Variants in SNTG1 observed in about 807,000 individuals in gnomAD.
SNTG1 encodes the protein gamma-1-syntrophin.
In SNTG1, 39 loss-of-function variants were observed where a neutral mutation model predicts 74.7. The ratio of observed to expected loss-of-function variants is 0.52; its 90% CI spans 0.40 to 0.68. SNTG1 has a LOEUF of 0.68. SNTG1 is among the 30% of genes least tolerant of loss of function. The pLI, the probability that SNTG1 is intolerant of heterozygous loss-of-function variation, is 0.00. For missense variants in SNTG1, 685 were observed against 609.5 expected, an observed-to-expected ratio of 1.12 and a Z score of -1.30; for synonymous variants, 254 against 217.1, an observed-to-expected ratio of 1.17 and a Z score of -1.49.
chr8:50,388,059 A>G (rs762779045), intron 2 of SNTG1, among the ~76,000 whole-genome samples: 2 of 152,186 alleles, frequency 1.3e-5, no homozygotes, highest in Non-Finnish European at 2.9e-5. Flanking sequence ...AATGTAATTC[A>G]GTGACTAGCA....
intron 2 of SNTG1, among the ~76,000 whole-genome samples, chr8:50,237,773 T>C (rs1437294363): frequency 6.6e-6 from 1 of 152,168 alleles, no homozygotes; most frequent in Non-Finnish European, 1.5e-5. Context: ...CCTGAGTCTA[T>C]ATAATATATC....
chr8:50,040,980 C>A (rs1210485905), intron 1 of SNTG1, among the ~76,000 whole-genome samples: 1 of 152,004 alleles, frequency 6.6e-6, no homozygotes, highest in Non-Finnish European at 1.5e-5. Context: ...TACTGCAACC[C>A]CCGCCTCCCA....
intron 1 of SNTG1, among the ~76,000 whole-genome samples, chr8:50,105,462 A>G (rs1183104385): frequency 6.6e-6 from 1 of 151,718 alleles, no homozygotes; most frequent in Non-Finnish European, 1.5e-5. Flanking sequence ...GAGTAACATG[A>G]TGTCTTCAGC....
intron 2 of SNTG1, among the ~76,000 whole-genome samples, chr8:50,247,441 A>G (rs1161222346): frequency 1.3e-5 from 2 of 152,084 alleles, no homozygotes; most frequent in African/African-American, 4.8e-5. Context: ...CTCAAACTAG[A>G]TTTTGTTCTG....
chr8:50,515,521 C>G (rs747290827), intron 9 of SNTG1, among the ~76,000 whole-genome samples: 3 of 151,732 alleles, frequency 2.0e-5, no homozygotes, highest in Non-Finnish European at 2.9e-5. Context: ...AGATCCCACC[C>G]CCACGGACCC....
intron 2 of SNTG1, among the ~76,000 whole-genome samples, chr8:50,255,097 G>A (rs1349317): frequency 0.33 from 49,758 of 151,242 alleles, 8,717 homozygotes; most frequent in African/African-American, 0.46. Flanking sequence ...TGCCCTTTTG[G>A]TCCTTTTTAA....
At position 50,039,449 on chromosome 8, in the gene SNTG1, C is replaced by T. The variant is rs1172516367; in HGVS notation, c.-103+127218C>T. Among the ~76,000 whole-genome samples, 14 of 98,448 alleles carry T rather than the reference C, an allele frequency of 1.4e-4. No individual in the cohort carries two copies. The Admixed American group carries it at 1.8e-3, about 13-fold the overall frequency. 64.6% of individuals were successfully genotyped at this position (98,448 alleles called of 152,430 possible). A position where few individuals can be genotyped will look rare whatever the true frequency, so the allele number is the denominator to read the frequency against. The stretch of plus-strand genomic sequence containing the variant: ...CAGCCTGGGTGACAGAGCAAGACTC[C>T]GTCTCAAAAAAAAAAAAAAAAAAAA... On this transcript the variant is annotated intron_variant, in intron 1 of 18. Coordinates refer to ENST00000642720, the MANE Select transcript of SNTG1 (RefSeq NM_018967.5).
chr8:50,088,327 C>T, intron 1 of SNTG1, among the ~76,000 whole-genome samples: 1 of 142,998 alleles, frequency 7.0e-6, no homozygotes. Flanking sequence ...TGGAAGCATT[C>T]CCTTTGAAAA....
intron 1 of SNTG1, among the ~76,000 whole-genome samples, chr8:50,036,974 C>A (rs1818221366): frequency 6.6e-6 from 1 of 152,150 alleles, no homozygotes. Flanking sequence ...AAGTGAATGT[C>A]TCTGTAAATT....
chr8:50,584,890 C>A (rs1306514508), intron 12 of SNTG1, among the ~76,000 whole-genome samples: 1 of 152,044 alleles, frequency 6.6e-6, no homozygotes. Context: ...AGCCACTGAC[C>A]TGGGTGGGCA....
chr8:50,075,814 C>G (rs1231592802), intron 1 of SNTG1, among the ~76,000 whole-genome samples: 1 of 152,130 alleles, frequency 6.6e-6, no homozygotes, highest in African/African-American at 2.4e-5. Context: ...AGCTATAACA[C>G]TCAACACGAA....
rs1554580679 is a variant in SNTG1, at chr8:50,115,576, A to AAAAAAAAAAACAAAAAAAAAAC, written c.-102-56975_-102-56974insCAAAAAAAAAACAAAAAAAAAA. 1.4e-4 allele frequency among the ~76,000 whole-genome samples: 12 copies of AAAAAAAAAAACAAAAAAAAAAC among 82,908 alleles called. 2 individuals carry two copies. The highest frequency in any genetic ancestry group is 5.1e-4 in the South Asian group (1 of 1,980). 54.4% of individuals were successfully genotyped at this position (82,908 alleles called of 152,430 possible). A position where few individuals can be genotyped will look rare whatever the true frequency, so the allele number is the denominator to read the frequency against. On this transcript the variant is annotated intron_variant, in intron 1 of 18. Coordinates refer to ENST00000642720, the MANE Select transcript of SNTG1 (RefSeq NM_018967.5). ...GAGCGAGACTCTGTCTCAAAAAAAA[A>AAAAAAAAAAACAAAAAAAAAAC]AAAAAAAAAAACGAGATGGTTGAAG...
rs1343496409 is a variant in SNTG1, at chr8:50,587,163, TTA to T, written c.811-3710_811-3709del. Among the ~76,000 whole-genome samples the T allele has an allele frequency of 2.6e-5, 4 of 151,388 alleles. No individual in the cohort carries two copies. In the East Asian group the frequency reaches 5.8e-4, roughly 22 times the overall value. Reference sequence around the variant, plus strand: ...TGTGTATATATATGCATATATAAATTTATATATGTTTAATATACATACACATA... The same window carrying T: ...TGTGTATATATATGCATATATAAATTTATATGTTTAATATACATACACATA... On this transcript the variant is annotated intron_variant, in intron 12 of 18. Transcript: ENST00000642720.
intron 13 of SNTG1, among the ~76,000 whole-genome samples, chr8:50,613,377 C>A (rs112389943): frequency 6.6e-6 from 1 of 152,110 alleles, no homozygotes; most frequent in Non-Finnish European, 1.5e-5. Context: ...ATGTATTTAT[C>A]ACCAGGAATG....
chr8:50,508,606 G>T (rs543166794), intron 9 of SNTG1, among the ~76,000 whole-genome samples: 27 of 152,028 alleles, frequency 1.8e-4, no homozygotes, highest in Non-Finnish European at 3.1e-4. Context: ...TTTAATGATC[G>T]CCATTCTAAC....
intron 2 of SNTG1, among the ~76,000 whole-genome samples, chr8:50,372,296 G>T (rs985990694): frequency 1.4e-5 from 2 of 147,918 alleles, no homozygotes; most frequent in Admixed American, 6.8e-5. Flanking sequence ...ATTTTTTTTC[G>T]GGTTACCATG....
intron 1 of SNTG1, among the ~76,000 whole-genome samples, chr8:50,147,819 TC>T (rs2131512346): frequency 6.6e-6 from 1 of 152,334 alleles, no homozygotes; most frequent in African/African-American, 2.4e-5. Context: ...GCACTGTAAT[TC>T]CAGTAACCAT....
intron 4 of SNTG1, among the ~76,000 whole-genome samples, chr8:50,435,962 A>G (rs1161362479): frequency 6.6e-6 from 1 of 152,028 alleles, no homozygotes; most frequent in African/African-American, 2.4e-5. Context: ...GTTTTTGAGG[A>G]CCCTGCGATG....
chr8:50,233,589 T>G (rs2085740244), intron 2 of SNTG1, among the ~76,000 whole-genome samples: 1 of 151,632 alleles, frequency 6.6e-6, no homozygotes. Flanking sequence ...ACACTAGCTT[T>G]GAAAATTCTG....
Sources: allele counts gnomAD v4.1 joint callset (sites outside exome capture counted in the v4.1 genomes callset), GRCh38; gene constraint gnomAD v4.1.1; transcripts MANE v1.5; gene names NCBI Gene and HGNC (gene_info 2026-07-23, HGNC 2026-07-21).